SELENON: variants seen among roughly 807,000 people sequenced by gnomAD.
The protein encoded by SELENON is selenoprotein N, also known as selenoprotein N, 1.
Under a neutral mutation model 59.5 loss-of-function variants are expected in SELENON, and 44 were observed. The observed-to-expected ratio is 0.74, with a 90% CI of 0.58 to 0.95. The LOEUF is 0.95. SELENON is among the 40% of genes least tolerant of loss of function. SELENON has a pLI of 0.00. For missense variants in SELENON, 674 were observed against 721.4 expected (o/e 0.93, Z 0.75); for synonymous variants, 320 against 305.6 (o/e 1.05, Z -0.49).
At position 25,808,569 on chromosome 1, in the gene SELENON, C is replaced by T; in HGVS notation, c.538-11C>T. On this transcript the variant is annotated splice_polypyrimidine_tract_variant and intron_variant, in intron 4 of 12. Transcript: ENST00000361547. The stretch of plus-strand genomic sequence containing the variant: ...CTCAGATTCCTGGAGCTTTGCTTTC[C>T]CCCGCCCCAGGTCTCCCGCCTCGCC... The T allele has an allele frequency of 1.2e-6, 2 of 1,613,072 alleles. No homozygotes were observed. The highest frequency in any genetic ancestry group is 1.7e-5 in the Admixed American group (1 of 60,028).
chr1:25,811,181 G>A (rs563746869), intron 7 of SELENON, among the ~76,000 whole-genome samples: 6 of 152,332 alleles, frequency 3.9e-5, no homozygotes, highest in African/African-American at 7.2e-5. Context: ...GAGAGTACAC[G>A]GGCCATGGCT....
chr1:25,812,884 T>C lies in SELENON; in HGVS notation c.1387+92T>C, dbSNP rs545441980. On this transcript the variant is annotated intron_variant, in intron 10 of 12. Transcript: ENST00000361547. ...TCTGAGACCAATGGGACTCTTCTGT[T>C]GAGTTGTGAGGGCCTCAGGGACTGC... is the stretch of plus-strand genomic sequence containing the variant. 167 of 1,004,054 alleles carry C rather than the reference T, an allele frequency of 1.7e-4. No homozygotes were observed. In the African/African-American group the frequency reaches 2.2e-3, roughly 14 times the overall value. The allele number at this position is 1,004,054 out of a possible 1,614,324, so 62.2% of individuals were successfully genotyped here.
chr1:25,813,157 A>G (rs1464132514), intron 10 of SELENON, among the ~76,000 whole-genome samples: 2 of 152,318 alleles, frequency 1.3e-5, no homozygotes, highest in African/African-American at 2.4e-5. Context: ...AAAGTGTTAT[A>G]TACGTGTAAG....
chr1:25,800,512 G>A, intron 1 of SELENON, 99 bp downstream of exon 1: 1 of 559,168 alleles, frequency 1.8e-6, no homozygotes, highest in Non-Finnish European at 2.4e-6. Flanking sequence ...AGTCGGGGGA[G>A]GCGGAGGGCG....
rs2047850213 is a variant in SELENON at position 25,800,356 on chromosome 1, T to TGCCGCCGCC, written c.128_136dup (p.Ala43_Ala45dup). The TGCCGCCGCC allele has an allele frequency of 4.7e-6, 5 of 1,056,170 alleles. No individual in the cohort carries two copies. Among genetic ancestry groups the TGCCGCCGCC allele is most frequent in the African/African-American group, 1.7e-5 (1 of 58,294 alleles). 65.4% of individuals were successfully genotyped at this position (1,056,170 alleles called of 1,614,324 possible). A position where few individuals can be genotyped will look rare whatever the true frequency, so the allele number is the denominator to read the frequency against. On this transcript the variant is annotated inframe_insertion, in exon 1 of 13. Coordinates refer to ENST00000361547, the MANE Select transcript of SELENON (RefSeq NM_020451.3). ...TCGGAGCCCTGCTGGCCGCCGCCGC[T>TGCCGCCGCC]GCCGCCGCCGTCCGGGTCTGCGCCC...
Position 25,800,299 on chromosome 1 carries a change from A to G in SELENON, c.69A>G (p.Pro23=). The stretch of plus-strand genomic sequence containing the variant: ...GCCCCGCCGCGCAGCCTCCCGCGCC[A>G]CCGCGCCGCCGCGCCCGTTCCCTGG... The change falls in exon 1 of 13, where the codon CCA becomes CCG. Residue 23 remains proline, a synonymous_variant. Coordinates refer to ENST00000361547, the MANE Select transcript of SELENON (RefSeq NM_020451.3). The G allele has an allele frequency of 6.0e-6, 6 of 992,564 alleles. No individual in the cohort carries two copies. Among genetic ancestry groups the G allele is most frequent in the Non-Finnish European group, 6.0e-6 (5 of 835,608 alleles). 61.5% of individuals were successfully genotyped at this position (992,564 alleles called of 1,614,324 possible). A position where few individuals can be genotyped will look rare whatever the true frequency, so the allele number is the denominator to read the frequency against.
chr1:25,812,934 G>A, intron 10 of SELENON, 142 bp downstream of exon 9: 1 of 647,170 alleles, frequency 1.5e-6, no homozygotes, highest in Non-Finnish European at 2.7e-6. Flanking sequence ...TGGGGTGAGG[G>A]CTTGGGGGTT....
At chr1:25,802,975 G>T (rs1334466297) in intron 3 of SELENON, among the ~76,000 whole-genome samples, 1 of 152,210 alleles carries the variant, frequency 6.6e-6, no homozygotes, top group Admixed American at 6.5e-5. Context: ...TTTTTCAGGG[G>T]TGTATTGTGT....
intron 6 of SELENON, among the ~76,000 whole-genome samples, chr1:25,809,447 C>T (rs1353015705): frequency 6.6e-6 from 1 of 152,240 alleles, no homozygotes; most frequent in East Asian, 1.9e-4. Flanking sequence ...GTCACACATG[C>T]CCTCCAGAAG....
chr1:25,801,065 G>A lies in SELENON; in HGVS notation c.206G>A (p.Gly69Glu), dbSNP rs746738124. Reference sequence around the variant, plus strand: ...CAGGAACTGGCGCTGAAGACCCTGGGGACAGATGGCCTTTTTCTCTTTTCC... The same window carrying A: ...CAGGAACTGGCGCTGAAGACCCTGGAGACAGATGGCCTTTTTCTCTTTTCC... The change falls in exon 2 of 13, where the codon GGG becomes GAG. Residue 69 changes from glycine (G) to glutamate (E), a missense_variant. Gly to Glu is a moderately conservative substitution (Grantham distance 98). Coordinates refer to ENST00000361547, the MANE Select transcript of SELENON (RefSeq NM_020451.3). 1.9e-6 allele frequency: 3 copies of A among 1,614,030 alleles called. No individual in the cohort carries two copies. The highest frequency in any genetic ancestry group is 2.5e-6 in the Non-Finnish European group (3 of 1,180,016).
chr1:25,803,860 G>A (rs1478973138), intron 3 of SELENON, among the ~76,000 whole-genome samples: 1 of 151,966 alleles, frequency 6.6e-6, no homozygotes, highest in Non-Finnish European at 1.5e-5. Context: ...GCACCACCAT[G>A]CCCAGCTAAT....
rs1490143223 is a variant in SELENON, at chr1:25,811,687, C to T, written c.1093-4C>T. 1.2e-6 allele frequency: 2 copies of T among 1,611,204 alleles called. No individual in the cohort carries two copies. Among genetic ancestry groups the T allele is most frequent in the Admixed American group, 3.4e-5 (2 of 59,164 alleles). ...CTTCCCCCTACCACTGACCTCTGGC[C>T]CAGATGGAGCTGGAGGCCACGGGCC... On this transcript the variant is annotated splice_region_variant and splice_polypyrimidine_tract_variant and intron_variant, in intron 8 of 12. Transcript: ENST00000361547.
intron 6 of SELENON, 140 bp from the exon 6 acceptor site, chr1:25,809,541 GGA>G: frequency 8.4e-7 from 1 of 1,194,926 alleles, no homozygotes; most frequent in Non-Finnish European, 1.2e-6. Context: ...AGCAGCATTT[GGA>G]GAGCCTCGCT....
Position 25,812,619 on chromosome 1 carries a change from C to T in SELENON, c.1282-68C>T, listed in dbSNP as rs931127810. 22 of 1,103,010 alleles carry T rather than the reference C, an allele frequency of 2.0e-5. No homozygotes were observed. In the African/African-American group the frequency reaches 3.1e-4, roughly 15 times the overall value. The allele number at this position is 1,103,010 out of a possible 1,614,324, so 68.3% of individuals were successfully genotyped here. On this transcript the variant is annotated intron_variant, in intron 9 of 12. Coordinates refer to ENST00000361547, the MANE Select transcript of SELENON (RefSeq NM_020451.3). ...CACACACACACACTTGCACACACTA[C>T]AGACTCAGCCCGAGTGGGACCCTGG...
At chr1:25,805,032 T>C in intron 3 of SELENON, 110 bp from the exon 3 acceptor site, 2 of 1,443,118 alleles carry the variant, frequency 1.4e-6, no homozygotes, top group Non-Finnish European at 1.9e-6. Context: ...ACACCCCAGC[T>C]ACCCCCACCC....
At chr1:25,811,070 G>A (rs769615857) in intron 7 of SELENON, among the ~76,000 whole-genome samples, 2 of 152,200 alleles carry the variant, frequency 1.3e-5, no homozygotes, top group Non-Finnish European at 2.9e-5. Flanking sequence ...CCTGCTGCCC[G>A]CCAGAGGCCT....
chr1:25,814,879 T>C (rs2047997092), intron 12 of SELENON, among the ~76,000 whole-genome samples: 1 of 151,944 alleles, frequency 6.6e-6, no homozygotes, highest in African/African-American at 2.4e-5. Context: ...TGGGAGCAGT[T>C]CAGGAGCAGG....
In SELENON at chr1:25,809,953, G is replaced by A. The variant is rs1361117144; in HGVS notation, c.1010+133G>A. The A allele has an allele frequency of 7.9e-6, 9 of 1,144,862 alleles. No homozygotes were observed. In the East Asian group the frequency reaches 9.7e-5, roughly 12 times the overall value. The allele number at this position is 1,144,862 out of a possible 1,614,324, so 70.9% of individuals were successfully genotyped here. ...CCAGAGCCCATCTCATGGGGCTGAC[G>A]TGGCAGGAGGCGGCATGAGGCAGGC... On this transcript the variant is annotated intron_variant, in intron 7 of 12. Coordinates refer to ENST00000361547, the MANE Select transcript of SELENON (RefSeq NM_020451.3).
intron 7 of SELENON, among the ~76,000 whole-genome samples, chr1:25,810,271 A>C (rs1356979558): frequency 6.6e-6 from 1 of 152,156 alleles, no homozygotes; most frequent in African/African-American, 2.4e-5. Context: ...TGGGCAGAGG[A>C]ACAGCACATC....
Sources: gnomAD v4.1 joint callset for allele counts (sites outside exome capture counted in the v4.1 genomes callset) on GRCh38, gnomAD v4.1.1 for gene constraint, MANE v1.5 for transcripts, NCBI Gene and HGNC (gene_info 2026-07-23, HGNC 2026-07-21) for gene names.